The following DIAPH3 variants were observed in gnomAD, a reference collection of about 807,000 sequenced individuals.
DIAPH3 encodes the protein protein diaphanous homolog 3.
Under a neutral mutation model 144.3 loss-of-function variants are expected in DIAPH3, and 117 were observed. The ratio of observed to expected loss-of-function variants is 0.81; its 90% confidence interval spans 0.70 to 0.95. The LOEUF is 0.95. Among genes scored for constraint, DIAPH3 ranks in the 40% least tolerant of loss-of-function variants. The pLI is 0.00. For missense variants in DIAPH3, 1,421 were observed against 1,412.7 expected, an observed-to-expected ratio of 1.01 and a Z score of -0.09; for synonymous variants, 519 against 488.9, an observed-to-expected ratio of 1.06 and a Z score of -0.81.
At chr13:59,899,436 A>C (rs933659825) in intron 20 of DIAPH3, among the ~76,000 whole-genome samples, 2 of 152,220 alleles carry the variant, frequency 1.3e-5, no homozygotes, top group African/African-American at 4.8e-5. Flanking sequence ...AAATGAGAGA[A>C]CAAGCCATTT....
chr13:59,784,135 T>G (rs1002167179), intron 25 of DIAPH3, among the ~76,000 whole-genome samples: 1 of 152,140 alleles, frequency 6.6e-6, no homozygotes, highest in Non-Finnish European at 1.5e-5. Context: ...CAGGCTGGAG[T>G]GCAGTGGCGC....
At chr13:59,783,349 C>A (rs567816200) in intron 25 of DIAPH3, among the ~76,000 whole-genome samples, 6 of 152,250 alleles carry the variant, frequency 3.9e-5, no homozygotes, top group African/African-American at 1.2e-4. Flanking sequence ...AAGTACAGAA[C>A]CGTCTTTGTT....
At chr13:59,719,257 GA>G (rs1188259378) in intron 27 of DIAPH3, among the ~76,000 whole-genome samples, 2 of 152,248 alleles carry the variant, frequency 1.3e-5, no homozygotes, top group East Asian at 3.9e-4. Context: ...TGTGTGATTT[GA>G]GTTCAATTGT....
chr13:59,748,418 C>A (rs781764049), intron 27 of DIAPH3, among the ~76,000 whole-genome samples: 2 of 152,180 alleles, frequency 1.3e-5, no homozygotes, highest in Non-Finnish European at 2.9e-5. Context: ...GGATGTGCAG[C>A]CTCATTGTAA....
chr13:60,085,134 T>G (rs2057704741), intron 4 of DIAPH3, among the ~76,000 whole-genome samples: 1 of 152,132 alleles, frequency 6.6e-6, no homozygotes, highest in Admixed American at 6.6e-5. Context: ...TCTGTTCTAT[T>G]GGGCATCTTT....
Position 59,809,610 on chromosome 13 carries a change from T to C in DIAPH3, c.3163+1178A>G, listed in dbSNP as rs377483137. Among the ~76,000 whole-genome samples the C allele has an allele frequency of 2.6e-5, 4 of 152,264 alleles. No homozygotes were observed. The East Asian group carries it at 5.8e-4, about 22-fold the overall frequency. On this transcript the variant is annotated intron_variant, in intron 25 of 27. Coordinates refer to ENST00000400324, the MANE Select transcript of DIAPH3 (RefSeq NM_001042517.2). ...AGAAGCATATTTTAAAAATAAATAC[T>C]AAATCTTTCTGATCTCCATTTTTAT...
At chr13:59,766,788 C>CAA (rs11300341) in intron 27 of DIAPH3, among the ~76,000 whole-genome samples, 1 of 139,368 alleles carries the variant, frequency 7.2e-6, no homozygotes, top group African/African-American at 2.6e-5. Flanking sequence ...TCTAGGCTTT[C>CAA]AAAAAAAAAA....
chr13:59,959,987 A>G (rs1176330392), intron 17 of DIAPH3, among the ~76,000 whole-genome samples: 1 of 152,222 alleles, frequency 6.6e-6, no homozygotes, highest in Non-Finnish European at 1.5e-5. Context: ...AACCAATTCT[A>G]GGACCACCAA....
intron 3 of DIAPH3, among the ~76,000 whole-genome samples, chr13:60,101,145 C>G (rs574502843): frequency 6.6e-6 from 1 of 152,162 alleles, no homozygotes; most frequent in African/African-American, 2.4e-5. Flanking sequence ...ATAAGCATTA[C>G]TTAATTAATC....
chr13:60,103,981 A>C (rs757381357), intron 3 of DIAPH3, among the ~76,000 whole-genome samples: 5 of 152,234 alleles, frequency 3.3e-5, no homozygotes, highest in Admixed American at 6.5e-5. Flanking sequence ...AAAAAACAGA[A>C]GATTTCATGA....
intron 17 of DIAPH3, among the ~76,000 whole-genome samples, chr13:59,949,557 C>T (rs1298698506): frequency 1.3e-5 from 2 of 152,036 alleles, no homozygotes; most frequent in African/African-American, 4.8e-5. Flanking sequence ...AGTTTGCTAC[C>T]TGTTTTAATA....
rs762124184 is a variant in DIAPH3, at chr13:59,924,834, G to C, written c.2111C>G (p.Ser704Trp). The change falls in exon 18 of 28, where the codon TCG (serine) becomes TGG (tryptophan). Residue 704 changes from serine to tryptophan, a missense_variant. Ser to Trp is a radical substitution (Grantham distance 177, BLOSUM62 -3). Transcript: ENST00000400324. ...REEEDIEEKK[S>W]IKKKIKELKF... is the part of the protein sequence containing the mutation. Reference sequence around the variant, plus strand: ...AAGTTCTTTAATTTTTTTCTTAATCGATTTCTTCTCTTCAATATCTTCCTC... The same window carrying C: ...AAGTTCTTTAATTTTTTTCTTAATCCATTTCTTCTCTTCAATATCTTCCTC... 1 of 1,600,660 alleles carries C rather than the reference G, an allele frequency of 6.2e-7. No individual in the cohort carries two copies. Among genetic ancestry groups the C allele is most frequent in the Admixed American group, 1.7e-5 (1 of 59,396 alleles).
At chr13:59,893,076 T>C (rs1286247882) in intron 20 of DIAPH3, among the ~76,000 whole-genome samples, 4 of 152,112 alleles carry the variant, frequency 2.6e-5, no homozygotes, top group Non-Finnish European at 4.4e-5. Flanking sequence ...AAATAGTATA[T>C]TCAAAACATG....
chr13:60,050,435 G>A (rs1370419392), intron 4 of DIAPH3, among the ~76,000 whole-genome samples: 2 of 152,300 alleles, frequency 1.3e-5, no homozygotes, highest in Non-Finnish European at 2.9e-5. Context: ...TAGGCAGGCA[G>A]CTGAAAAACT....
chr13:59,721,395 T>C (rs1287879198), intron 27 of DIAPH3, among the ~76,000 whole-genome samples: 1 of 152,212 alleles, frequency 6.6e-6, no homozygotes, highest in Non-Finnish European at 1.5e-5. Context: ...TTTTATTGCA[T>C]TTATTGCACT....
intron 27 of DIAPH3, among the ~76,000 whole-genome samples, chr13:59,766,625 T>C (rs2037871955): frequency 6.6e-6 from 1 of 152,074 alleles, no homozygotes; most frequent in African/African-American, 2.4e-5. Context: ...CTCCCCTAAG[T>C]CTTAGCCCCA....
chr13:59,996,841 A>G (rs945095680), intron 9 of DIAPH3, among the ~76,000 whole-genome samples: 2 of 152,088 alleles, frequency 1.3e-5, no homozygotes, highest in Non-Finnish European at 2.9e-5. Context: ...ATGCCACTAC[A>G]TCTACATCAC....
intron 24 of DIAPH3, among the ~76,000 whole-genome samples, chr13:59,829,111 A>G (rs944332377): frequency 3.3e-5 from 5 of 152,022 alleles, no homozygotes; most frequent in Non-Finnish European, 7.4e-5. Context: ...TATACATATT[A>G]GTCGTGAGAT....
At chr13:59,940,002 C>T (rs2140375452) in intron 17 of DIAPH3, among the ~76,000 whole-genome samples, 1 of 152,084 alleles carries the variant, frequency 6.6e-6, no homozygotes, top group East Asian at 1.9e-4. Context: ...TACTTTCATC[C>T]CCTTGCCAAT....
Sources: gnomAD v4.1 joint callset for allele counts (sites outside exome capture counted in the v4.1 genomes callset) on GRCh38, gnomAD v4.1.1 for gene constraint, MANE v1.5 for transcripts, NCBI Gene and HGNC (gene_info 2026-07-23, HGNC 2026-07-21) for gene names.